LRMDA: variants seen among roughly 807,000 people sequenced by gnomAD.
LRMDA encodes the protein leucine rich melanocyte differentiation associated, also known as leucine-rich melanocyte differentiation-associated protein.
LRMDA carries 18 observed loss-of-function variants against 29.8 expected under a neutral mutation model. The ratio of observed to expected loss-of-function variants is 0.60; its 90% CI spans 0.42 to 0.90. The LOEUF is 0.90. Among genes scored for constraint, LRMDA ranks in the 40% least tolerant of loss-of-function variants. The probability of loss-of-function intolerance (pLI) is 0.00; values close to 1 mark genes in which losing one functional copy is unlikely to be tolerated. For missense variants in LRMDA, 273 were observed against 273.9 expected, an observed-to-expected ratio of 1.00 and a Z score of 0.02; for synonymous variants, 125 against 109.4, an observed-to-expected ratio of 1.14 and a Z score of -0.89.
intron 2 of LRMDA, among the ~76,000 whole-genome samples, chr10:75,515,170 G>C (rs1845276024): frequency 6.6e-6 from 1 of 152,162 alleles, no homozygotes; most frequent in Admixed American, 6.6e-5. Flanking sequence ...ATCCAGAATA[G>C]GTAAATTCAT....
chr10:76,493,137 T>A (rs1046380137), intron 6 of LRMDA, among the ~76,000 whole-genome samples: 1 of 151,770 alleles, frequency 6.6e-6, no homozygotes, highest in South Asian at 2.1e-4. Flanking sequence ...CATCTGGGAG[T>A]CAGAGATTGG....
At position 76,343,813 on chromosome 10, in the gene LRMDA, A is replaced by ATTTTTTTT. The variant is rs5786231; in HGVS notation, c.601+19341_601+19348dup. 1.3e-4 allele frequency among the ~76,000 whole-genome samples: 17 copies of ATTTTTTTT among 126,662 alleles called. 1 individual carries two copies. The highest frequency in any genetic ancestry group is 3.3e-4 in the African/African-American group (11 of 33,478). The allele number at this position is 126,662 out of a possible 152,430, so 83.1% of individuals were successfully genotyped here. ...TATAAAAGTTTCATGTTTACAGGTG[A>ATTTTTTTT]TTTTTTTTTTTTTTTTTTTTGTGAG... On this transcript the variant is annotated intron_variant, in intron 6 of 6. Coordinates refer to ENST00000611255, the MANE Select transcript of LRMDA (RefSeq NM_001305581.2).
intron 2 of LRMDA, among the ~76,000 whole-genome samples, chr10:75,539,079 C>A (rs913354310): frequency 4.6e-5 from 7 of 151,938 alleles, no homozygotes; most frequent in Middle Eastern, 3.2e-3. Context: ...GGTTTAAAAC[C>A]AAAAAAACTT....
intron 5 of LRMDA, among the ~76,000 whole-genome samples, chr10:76,223,795 T>C (rs1422521215): frequency 6.6e-6 from 1 of 152,230 alleles, no homozygotes; most frequent in Non-Finnish European, 1.5e-5. Flanking sequence ...CTTTGTTATA[T>C]CACCTCATTT....
chr10:76,410,970 G>A (rs1841955043), intron 6 of LRMDA, among the ~76,000 whole-genome samples: 1 of 152,094 alleles, frequency 6.6e-6, no homozygotes, highest in South Asian at 2.1e-4. Context: ...ACACCAGAAA[G>A]ATCATTCTGG....
chr10:76,029,975 A>G (rs1254818360), intron 2 of LRMDA, among the ~76,000 whole-genome samples: 1 of 152,148 alleles, frequency 6.6e-6, no homozygotes, highest in African/African-American at 2.4e-5. Flanking sequence ...AGCTCACTGT[A>G]GCCTGGCCCT....
intron 2 of LRMDA, among the ~76,000 whole-genome samples, chr10:75,572,239 A>T (rs1170463065): frequency 2.0e-5 from 3 of 152,194 alleles, no homozygotes; most frequent in Non-Finnish European, 4.4e-5. Flanking sequence ...GGCATGAGCC[A>T]CCGTGCCTGG....
chr10:75,817,412 C>A (rs185381631), intron 2 of LRMDA, among the ~76,000 whole-genome samples: 1 of 152,206 alleles, frequency 6.6e-6, no homozygotes, highest in South Asian at 2.1e-4. Flanking sequence ...TCTCCTCTTC[C>A]AGCAGATTAG....
intron 5 of LRMDA, among the ~76,000 whole-genome samples, chr10:76,236,814 TG>T (rs770027324): frequency 3.3e-4 from 50 of 152,188 alleles, no homozygotes; most frequent in Non-Finnish European, 5.3e-4. Flanking sequence ...ACAAAGCAAA[TG>T]TAGTATATTG....
chr10:75,560,911 T>C (rs1053541820), intron 2 of LRMDA, among the ~76,000 whole-genome samples: 2 of 152,064 alleles, frequency 1.3e-5, no homozygotes, highest in African/African-American at 4.8e-5. Context: ...GTAAGCTTTT[T>C]GATGTGCTGC....
At chr10:75,988,808 C>A (rs1419165203) in intron 2 of LRMDA, among the ~76,000 whole-genome samples, 3 of 152,188 alleles carry the variant, frequency 2.0e-5, no homozygotes, top group African/African-American at 7.2e-5. Context: ...CTGGCCCTGG[C>A]TCCCTCCATG....
chr10:75,844,563 C>T (rs143469348), intron 2 of LRMDA, among the ~76,000 whole-genome samples: 4 of 152,274 alleles, frequency 2.6e-5, no homozygotes, highest in East Asian at 3.9e-4. Context: ...CCAATTTTCT[C>T]GAAACACAGG....
chr10:75,898,375 A>G (rs1167096027), intron 2 of LRMDA, among the ~76,000 whole-genome samples: 1 of 152,228 alleles, frequency 6.6e-6, no homozygotes, highest in Non-Finnish European at 1.5e-5. Context: ...AGGACACAAG[A>G]CAGATTTCTG....
chr10:75,631,021 C>CA (rs2132112839), intron 2 of LRMDA, among the ~76,000 whole-genome samples: 1 of 152,260 alleles, frequency 6.6e-6, no homozygotes, highest in African/African-American at 2.4e-5. Context: ...ATGGCTGTGA[C>CA]TTATTTGGAA....
intron 2 of LRMDA, among the ~76,000 whole-genome samples, chr10:75,447,909 C>T (rs948626202): frequency 1.3e-5 from 2 of 152,260 alleles, no homozygotes; most frequent in South Asian, 2.1e-4. Flanking sequence ...AAACAAAAAT[C>T]TGACTCCATA....
chr10:75,686,898 T>C (rs1256843034), intron 2 of LRMDA, among the ~76,000 whole-genome samples: 1 of 152,242 alleles, frequency 6.6e-6, no homozygotes, highest in African/African-American at 2.4e-5. Context: ...ATTTCTAACT[T>C]TTTCATTATG....
intron 2 of LRMDA, among the ~76,000 whole-genome samples, chr10:75,528,087 A>G (rs1845435070): frequency 6.6e-6 from 1 of 152,088 alleles, no homozygotes; most frequent in South Asian, 2.1e-4. Context: ...CACCTGGCCA[A>G]CAATAGAATT....
intron 2 of LRMDA, among the ~76,000 whole-genome samples, chr10:75,754,477 A>G (rs1490417879): frequency 6.6e-6 from 1 of 152,242 alleles, no homozygotes; most frequent in East Asian, 1.9e-4. Context: ...CAATAAATTC[A>G]GTCAGTTCAA....
chr10:75,650,297 G>A (rs984926596), intron 2 of LRMDA, among the ~76,000 whole-genome samples: 12 of 152,248 alleles, frequency 7.9e-5, no homozygotes, highest in African/African-American at 2.9e-4. Flanking sequence ...AATTTTTGTA[G>A]ATAGTGTTAG....
Sources: gnomAD v4.1 joint callset for allele counts (sites outside exome capture counted in the v4.1 genomes callset) on GRCh38, gnomAD v4.1.1 for gene constraint, MANE v1.5 for transcripts, NCBI Gene and HGNC (gene_info 2026-07-23, HGNC 2026-07-21) for gene names.